Variants in DOK6 observed in about 807,000 individuals in gnomAD.
DOK6 encodes the protein docking protein 6.
In DOK6, 22 loss-of-function variants were observed where a neutral mutation model predicts 44.0. The observed-to-expected ratio is 0.50, with a 90% CI of 0.36 to 0.71. The LOEUF (loss-of-function observed/expected upper bound fraction) is 0.71. Among genes scored for constraint, DOK6 ranks in the 30% least tolerant of loss-of-function variants. DOK6 has a pLI of 0.00. For missense variants in DOK6, 340 were observed against 416.4 expected, an observed-to-expected ratio of 0.82 and a Z score of 1.60; for synonymous variants, 166 against 145.5, an observed-to-expected ratio of 1.14 and a Z score of -1.01.
rs776559190 is a variant in DOK6, at chr18:69,757,748, T to C, written c.739-8T>C. 9 of 1,612,526 alleles carry C rather than the reference T, an allele frequency of 5.6e-6. No individual in the cohort carries two copies. The highest frequency in any genetic ancestry group is 7.6e-6 in the Non-Finnish European group (9 of 1,178,568). On this transcript the variant is annotated splice_region_variant and splice_polypyrimidine_tract_variant and intron_variant, in intron 6 of 7. Transcript: ENST00000382713. ...ACGAGGCCTAAAACACATTCTTTTC[T>C]CTTTTAGCTTCAGACAAGCTTGACT...
intron 2 of DOK6, among the ~76,000 whole-genome samples, chr18:69,568,569 G>A (rs1983041497): frequency 6.6e-6 from 1 of 152,192 alleles, no homozygotes; most frequent in African/African-American, 2.4e-5. Context: ...ATGGCAATGG[G>A]ATGACTAAAA....
intron 4 of DOK6, among the ~76,000 whole-genome samples, chr18:69,684,855 T>C (rs1391051510): frequency 1.3e-5 from 2 of 152,140 alleles, no homozygotes; most frequent in Non-Finnish European, 2.9e-5. Flanking sequence ...GAGAGGGTGC[T>C]CAACTTTTCC....
At chr18:69,639,598 T>A (rs1011035577) in intron 3 of DOK6, among the ~76,000 whole-genome samples, 1 of 152,118 alleles carries the variant, frequency 6.6e-6, no homozygotes, top group African/African-American at 2.4e-5. Context: ...TCTTGTAAGG[T>A]GTTACAGGAT....
intron 3 of DOK6, among the ~76,000 whole-genome samples, chr18:69,663,718 AT>A (rs1275590541): frequency 6.6e-6 from 1 of 152,144 alleles, no homozygotes; most frequent in Non-Finnish European, 1.5e-5. Flanking sequence ...AAATTGAACA[AT>A]ATTTTGGAAC....
chr18:69,404,454 T>C (rs1386649842), intron 1 of DOK6, among the ~76,000 whole-genome samples: 1 of 152,214 alleles, frequency 6.6e-6, no homozygotes, highest in Non-Finnish European at 1.5e-5. Flanking sequence ...AAAGCATTAA[T>C]AATCTAACAC....
chr18:69,827,185 A>G (rs571049348), intron 7 of DOK6, among the ~76,000 whole-genome samples: 1 of 152,224 alleles, frequency 6.6e-6, no homozygotes, highest in East Asian at 1.9e-4. Context: ...AAAGCTTCCT[A>G]TCACCTATTA....
intron 1 of DOK6, among the ~76,000 whole-genome samples, chr18:69,464,542 T>A (rs1681850531): frequency 6.6e-6 from 1 of 152,256 alleles, no homozygotes; most frequent in Admixed American, 6.5e-5. Context: ...TATTTCACCA[T>A]CTTCAGTCTA....
intron 3 of DOK6, among the ~76,000 whole-genome samples, chr18:69,647,071 C>CATAT: frequency 8.6e-6 from 1 of 116,808 alleles, no homozygotes; most frequent in South Asian, 2.7e-4. Flanking sequence ...ATCTGTCTAT[C>CATAT]CCATCTGTCT....
At chr18:69,689,927 T>C (rs1308935223) in intron 4 of DOK6, among the ~76,000 whole-genome samples, 2 of 152,134 alleles carry the variant, frequency 1.3e-5, no homozygotes, top group African/African-American at 2.4e-5. Context: ...TATTTAATAG[T>C]GTCTGAAAAT....
chr18:69,808,764 C>A (rs1003732624), intron 7 of DOK6, among the ~76,000 whole-genome samples: 6 of 151,710 alleles, frequency 4.0e-5, no homozygotes, highest in African/African-American at 1.4e-4. Flanking sequence ...GTGAACAGAA[C>A]AATAACAAGT....
chr18:69,829,329 A>G (rs1241688792), intron 7 of DOK6, among the ~76,000 whole-genome samples: 1 of 151,972 alleles, frequency 6.6e-6, no homozygotes, highest in Non-Finnish European at 1.5e-5. Flanking sequence ...AAAATTCTAA[A>G]CCAGACAAAA....
intron 1 of DOK6, among the ~76,000 whole-genome samples, chr18:69,444,922 T>G (rs1979240448): frequency 6.6e-6 from 1 of 152,170 alleles, no homozygotes; most frequent in South Asian, 2.1e-4. Context: ...CTTGTGGCAG[T>G]GGGGTATTGT....
intron 3 of DOK6, among the ~76,000 whole-genome samples, chr18:69,644,144 C>T (rs1004782389): frequency 3.9e-5 from 6 of 152,048 alleles, no homozygotes; most frequent in African/African-American, 1.4e-4. Flanking sequence ...TTTATAAATT[C>T]TAGATATTTG....
intron 7 of DOK6, among the ~76,000 whole-genome samples, chr18:69,802,333 T>C (rs1364885706): frequency 6.6e-6 from 1 of 152,200 alleles, no homozygotes; most frequent in East Asian, 1.9e-4. Flanking sequence ...GGTACGCTCC[T>C]TGACTGATAA....
chr18:69,524,214 A>G (rs549407324), intron 1 of DOK6, among the ~76,000 whole-genome samples: 10 of 152,164 alleles, frequency 6.6e-5, no homozygotes, highest in African/African-American at 2.4e-4. Flanking sequence ...ACAATTTTGC[A>G]TAAGAATTAA....
At chr18:69,411,739 GT>G (rs1978306987) in intron 1 of DOK6, among the ~76,000 whole-genome samples, 1 of 152,038 alleles carries the variant, frequency 6.6e-6, no homozygotes, top group Non-Finnish European at 1.5e-5. Flanking sequence ...TCACTCATCA[GT>G]TTTGAAACAT....
At chr18:69,587,648 C>T (rs1162880987) in intron 2 of DOK6, among the ~76,000 whole-genome samples, 2 of 152,110 alleles carry the variant, frequency 1.3e-5, no homozygotes, top group African/African-American at 4.8e-5. Context: ...TGTATAGTAT[C>T]TGATAATATC....
At chr18:69,722,538 A>C (rs924165717) in intron 5 of DOK6, among the ~76,000 whole-genome samples, 5 of 152,224 alleles carry the variant, frequency 3.3e-5, no homozygotes, top group Admixed American at 3.3e-4. Flanking sequence ...GATAGACAAG[A>C]CAAGGAAGGA....
intron 4 of DOK6, among the ~76,000 whole-genome samples, chr18:69,693,902 CA>C (rs1414149576): frequency 3.0e-4 from 46 of 151,102 alleles, no homozygotes; most frequent in African/African-American, 9.0e-4. Context: ...ACTAAAAATA[CA>C]AAAAAATTAG....
Sources: gnomAD v4.1 joint callset for allele counts (sites outside exome capture counted in the v4.1 genomes callset) on GRCh38, gnomAD v4.1.1 for gene constraint, MANE v1.5 for transcripts, NCBI Gene and HGNC (gene_info 2026-07-23, HGNC 2026-07-21) for gene names.